MACC1: variants seen among roughly 807,000 people sequenced by gnomAD.
MACC1 encodes metastasis-associated in colon cancer protein 1.
In MACC1, 79 loss-of-function variants were observed where a neutral mutation model predicts 70.7. The observed-to-expected ratio is 1.12, with a 90% CI of 0.93 to 1.35. The LOEUF (loss-of-function observed/expected upper bound fraction) is 1.35. MACC1 is among the 40% of genes most tolerant of loss of function. The probability of loss-of-function intolerance (pLI) is 0.00; values close to 1 mark genes in which losing one functional copy is unlikely to be tolerated. For missense variants in MACC1, 1,106 were observed against 978.1 expected (o/e 1.13, Z -1.74); for synonymous variants, 361 against 347.2 (o/e 1.04, Z -0.44).
chr7:20,152,044 TA>T (rs1781987145), intron 6 of MACC1, among the ~76,000 whole-genome samples: 1 of 152,180 alleles, frequency 6.6e-6, no homozygotes, highest in Non-Finnish European at 1.5e-5. Flanking sequence ...AGGATTACAT[TA>T]ATTAATTTTT....
chr7:20,161,758 G>A lies in MACC1; in HGVS notation c.105C>T (p.Cys35=), dbSNP rs377319616. ...DMEAGKLSKS[C]NITECQDPDL... ...TATAAATTCCCATACCTGTAATATTGCAACTTTTTGAGAGTTTTCCAGCTT... is the reference window on the plus strand; with the variant it reads ...TATAAATTCCCATACCTGTAATATTACAACTTTTTGAGAGTTTTCCAGCTT... The change falls in exon 4 of 7, where the codon TGC becomes TGT. Residue 35 remains cysteine, a synonymous_variant. Transcript: ENST00000400331. 1.7e-5 allele frequency: 28 copies of A among 1,605,344 alleles called. No homozygotes were observed. The African/African-American group carries it at 3.7e-4, about 21-fold the overall frequency.
At chr7:20,179,499 T>C (rs1782466381) in intron 1 of MACC1, among the ~76,000 whole-genome samples, 1 of 152,170 alleles carries the variant, frequency 6.6e-6, no homozygotes, top group African/African-American at 2.4e-5. Context: ...TTGGGCTTCT[T>C]AGGTCACTAA....
At position 20,160,247 on chromosome 7, in the gene MACC1, T is replaced by A. The variant is rs528703115; in HGVS notation, c.116-2A>T. Reference sequence around the variant, plus strand: ...GAAGCAAGTCTGGGTCCTGGCATTCTTGTTATTTAAGGAAAGACAAAGCAA... The same window carrying A: ...GAAGCAAGTCTGGGTCCTGGCATTCATGTTATTTAAGGAAAGACAAAGCAA... On this transcript the variant is annotated splice_acceptor_variant, in intron 4 of 6. Transcript: ENST00000400331. LOFTEE classifies it high-confidence loss of function. 7.1e-6 allele frequency: 11 copies of A among 1,540,248 alleles called. No homozygotes were observed. The South Asian group carries it at 1.4e-4, about 20-fold the overall frequency.
chr7:20,157,510 GT>G (rs1421907502), intron 5 of MACC1, among the ~76,000 whole-genome samples: 1 of 151,650 alleles, frequency 6.6e-6, no homozygotes, highest in Admixed American at 6.6e-5. Context: ...ACAGCCAGGT[GT>G]GGTGGCTCAT....
chr7:20,164,969 T>A (rs962832664), intron 2 of MACC1, among the ~76,000 whole-genome samples: 1 of 151,774 alleles, frequency 6.6e-6, no homozygotes, highest in African/African-American at 2.4e-5. Context: ...ACCGTTGATA[T>A]GAAAAATAGT....
chr7:20,186,711 T>A (rs1782593816), intron 1 of MACC1, among the ~76,000 whole-genome samples: 1 of 152,034 alleles, frequency 6.6e-6, no homozygotes, highest in Non-Finnish European at 1.5e-5. Context: ...TTAGGGAATA[T>A]AAATAACACT....
rs776070023 is a variant in MACC1, at chr7:20,138,609, G to A, written c.*2337C>T. 4 of 151,334 alleles carry A rather than the reference G, an allele frequency of 2.6e-5. No homozygotes were observed. Among genetic ancestry groups the A allele is most frequent in the Non-Finnish European group, 5.9e-5 (4 of 67,928 alleles). The allele number at this position is 151,334 out of a possible 1,614,324, so 9.4% of individuals were successfully genotyped here. On this transcript the variant is annotated 3_prime_UTR_variant, in exon 7 of 7. Transcript: ENST00000400331. Reference sequence around the variant, plus strand: ...ATTAAAATAAATTCTGTCCTTGAATGTGTATACATAATTATTTGGTCAGGC... The same window carrying A: ...ATTAAAATAAATTCTGTCCTTGAATATGTATACATAATTATTTGGTCAGGC...
intron 1 of MACC1, among the ~76,000 whole-genome samples, chr7:20,179,946 G>A (rs1364716361): frequency 6.6e-6 from 1 of 152,086 alleles, no homozygotes; most frequent in Non-Finnish European, 1.5e-5. Context: ...TGTCAACTGT[G>A]CTTTGGGGCC....
intron 4 of MACC1, 85 bp downstream of exon 4, chr7:20,161,663 T>C: frequency 1.3e-6 from 1 of 771,346 alleles, no homozygotes. Context: ...CTTCCAGCAT[T>C]TTCAGAGGTA....
In MACC1 at chr7:20,154,400, G is replaced by A. The variant is rs777061644; in HGVS notation, c.2158-19C>T. Reference sequence around the variant, plus strand: ...GAAGAGCCTGCAGCAACAATTACATGTCACAATTAAAAGCAACTAACTTGG... The same window carrying A: ...GAAGAGCCTGCAGCAACAATTACATATCACAATTAAAAGCAACTAACTTGG... On this transcript the variant is annotated intron_variant, in intron 5 of 6. Transcript: ENST00000400331. The A allele has an allele frequency of 3.1e-6, 5 of 1,605,298 alleles. No individual in the cohort carries two copies. Among genetic ancestry groups the A allele is most frequent in the East Asian group, 4.5e-5 (2 of 44,722 alleles).
intron 1 of MACC1, among the ~76,000 whole-genome samples, chr7:20,212,368 T>TTATTCCAAGGAAGGCCCC (rs1783011500): frequency 6.6e-6 from 1 of 152,186 alleles, no homozygotes; most frequent in East Asian, 1.9e-4. Flanking sequence ...ATGTTTCTGT[T>TTATTCCAAGGAAGGCCCC]TATTCCAAGG....
chr7:20,194,563 C>T (rs1445058228), intron 1 of MACC1, among the ~76,000 whole-genome samples: 3 of 152,220 alleles, frequency 2.0e-5, no homozygotes, highest in Non-Finnish European at 4.4e-5. Context: ...CTGGCTCAGC[C>T]TCAACCTCTT....
At chr7:20,187,926 C>T (rs983645392) in intron 1 of MACC1, among the ~76,000 whole-genome samples, 2 of 152,110 alleles carry the variant, frequency 1.3e-5, no homozygotes, top group African/African-American at 4.8e-5. Flanking sequence ...CTGCCTGAGA[C>T]TGGGTAATTT....
rs1246049430 is a variant in MACC1 at position 20,158,702 on chromosome 7, A to C, written c.1659T>G (p.Tyr553Ter). 2 of 1,613,780 alleles carry C rather than the reference A, an allele frequency of 1.2e-6. No individual in the cohort carries two copies. The highest frequency in any genetic ancestry group is 1.7e-6 in the Non-Finnish European group (2 of 1,180,000). The change falls in exon 5 of 7, where the codon TAT (tyrosine) becomes TAG (stop). Residue 553 changes from tyrosine (Y) to a stop codon, truncating the protein, a stop_gained. Transcript: ENST00000400331. LOFTEE classifies it high-confidence loss of function. ...FQDKTLNFSN[Y>*]GVTLKAVLRQ... The stretch of plus-strand genomic sequence containing the variant: ...TTAGCACTGCCTTCAGGGTTACCCC[A>C]TAGTTGCTAAAGTTCAATGTTTTAT...
At position 20,136,981 on chromosome 7, in the gene MACC1, A is replaced by C. The variant is rs1011222607; in HGVS notation, c.*3965T>G. 1 of 149,352 alleles carries C rather than the reference A, an allele frequency of 6.7e-6. No homozygotes were observed. The highest frequency in any genetic ancestry group is 1.5e-5 in the Non-Finnish European group (1 of 67,408). 9.3% of individuals were successfully genotyped at this position (149,352 alleles called of 1,614,324 possible). A position where few individuals can be genotyped will look rare whatever the true frequency, so the allele number is the denominator to read the frequency against. ...ATTATGAATTATAATATTAAATTAT[A>C]ATTAATTCTTAAAGATTAAGATTAT... is the stretch of plus-strand genomic sequence containing the variant. On this transcript the variant is annotated 3_prime_UTR_variant, in exon 7 of 7. Transcript: ENST00000400331.
chr7:20,187,298 A>G (rs1453949789), intron 1 of MACC1, among the ~76,000 whole-genome samples: 2 of 152,230 alleles, frequency 1.3e-5, no homozygotes, highest in African/African-American at 4.8e-5. Context: ...ATAGGAATAC[A>G]TTTAATGAAA....
At chr7:20,176,416 A>G (rs948644918) in intron 1 of MACC1, among the ~76,000 whole-genome samples, 2 of 152,208 alleles carry the variant, frequency 1.3e-5, no homozygotes, top group East Asian at 3.9e-4. Flanking sequence ...TATTGAATTG[A>G]TCAAGTCTAT....
intron 1 of MACC1, among the ~76,000 whole-genome samples, chr7:20,207,467 T>C (rs1302866251): frequency 6.6e-6 from 1 of 152,110 alleles, no homozygotes; most frequent in African/African-American, 2.4e-5. Flanking sequence ...TTAAATATTT[T>C]AAAAGGACTT....
At chr7:20,203,363 C>T (rs1005781485) in intron 1 of MACC1, among the ~76,000 whole-genome samples, 2 of 152,176 alleles carry the variant, frequency 1.3e-5, no homozygotes, top group South Asian at 4.1e-4. Flanking sequence ...AAGTTGGAAG[C>T]TTTGACCCTC....
Sources: gnomAD v4.1 joint callset for allele counts (sites outside exome capture counted in the v4.1 genomes callset) on GRCh38, gnomAD v4.1.1 for gene constraint, MANE v1.5 for transcripts, NCBI Gene and HGNC (gene_info 2026-07-23, HGNC 2026-07-21) for gene names.